The following CAST variants were observed in gnomAD, a reference collection of about 807,000 sequenced individuals.
The protein encoded by CAST is calpastatin.
CAST carries 76 observed loss-of-function variants against 119.6 expected under a neutral mutation model. The ratio of observed to expected loss-of-function variants is 0.64; its 90% CI spans 0.53 to 0.77. CAST has a LOEUF of 0.77. Among genes scored for constraint, CAST ranks in the 30% least tolerant of loss-of-function variants. The pLI, the probability that CAST is intolerant of heterozygous loss-of-function variation, is 0.00. For missense variants in CAST, 953 were observed against 946.5 expected, an observed-to-expected ratio of 1.01 and a Z score of -0.09; for synonymous variants, 319 against 331.6, an observed-to-expected ratio of 0.96 and a Z score of 0.41.
the CAST span, among the ~76,000 whole-genome samples, chr5:95,964,080 T>C: frequency 2.0e-5 from 3 of 152,242 alleles, no homozygotes; most frequent in Non-Finnish European, 4.4e-5. Context: ...CACGGATTAA[T>C]ATATTATTGT....
the CAST span, among the ~76,000 whole-genome samples, chr5:96,196,379 A>T: frequency 6.6e-6 from 1 of 152,194 alleles, no homozygotes; most frequent in Non-Finnish European, 1.5e-5. Context: ...CAGATACCTA[A>T]TGGGAGCTTA....
intron 3 of CAST, among the ~76,000 whole-genome samples, chr5:96,706,674 G>C (rs902968939): frequency 5.9e-5 from 9 of 152,206 alleles, no homozygotes; most frequent in Non-Finnish European, 1.3e-4. Context: ...CAGCCTCCCA[G>C]TCATTGGCTT....
rs758414012 is a variant in CAST, at chr5:96,574,026, CTTTTTTTTTTTTTTTTTTTTTTTT to C, written c.60+44165_60+44188del. ...CAAACATCACACATTTGCCCACTTT[CTTTTTTTTTTTTTTTTTTTTTTTT>C]TTTTTTTTTTTTTTTTTTGAGACGG... On this transcript the variant is annotated intron_variant, in intron 1 of 11. Transcript: ENST00000505143. Among the ~76,000 whole-genome samples, 6 of 6,850 alleles carry C rather than the reference CTTTTTTTTTTTTTTTTTTTTTTTT, an allele frequency of 8.8e-4. 1 individual carries two copies. Among genetic ancestry groups the C allele is most frequent in the South Asian group, 9.6e-3 (1 of 104 alleles). The allele number at this position is 6,850 out of a possible 152,430, so 4.5% of individuals were successfully genotyped here.
chr5:96,515,424 T>C, the CAST span, among the ~76,000 whole-genome samples: 1 of 152,006 alleles, frequency 6.6e-6, no homozygotes, highest in Admixed American at 6.6e-5. Flanking sequence ...ATCTTGACAA[T>C]GGCAGCTACA....
the CAST span, among the ~76,000 whole-genome samples, chr5:96,231,506 T>C: frequency 3.3e-5 from 5 of 152,002 alleles, no homozygotes; most frequent in African/African-American, 1.2e-4. Context: ...AGAAAGTGAT[T>C]TTTCATGGGG....
At chr5:96,040,846 T>C in the CAST span, among the ~76,000 whole-genome samples, 1 of 152,196 alleles carries the variant, frequency 6.6e-6, no homozygotes, top group East Asian at 1.9e-4. Flanking sequence ...TTTTGTTGTG[T>C]CTCTGCTAGG....
chr5:96,565,817 C>T (rs1300681553), intron 1 of CAST, among the ~76,000 whole-genome samples: 2 of 152,174 alleles, frequency 1.3e-5, no homozygotes, highest in Non-Finnish European at 2.9e-5. Context: ...GTAATTGGTG[C>T]TCAAATCAAC....
At chr5:96,295,623 C>T in the CAST span, among the ~76,000 whole-genome samples, 78 of 152,174 alleles carry the variant, frequency 5.1e-4, no homozygotes, top group East Asian at 0.012. Context: ...TATCGACCTA[C>T]GATATTTCTT....
chr5:96,504,803 C>A, the CAST span, among the ~76,000 whole-genome samples: 4 of 152,226 alleles, frequency 2.6e-5, no homozygotes, highest in African/African-American at 4.8e-5. Context: ...ATCCAGGCAA[C>A]AAATGATGTG....
At chr5:96,609,232 A>G (rs1747316610) in intron 1 of CAST, among the ~76,000 whole-genome samples, 1 of 152,190 alleles carries the variant, frequency 6.6e-6, no homozygotes, top group Non-Finnish European at 1.5e-5. Flanking sequence ...TCCCATTGCA[A>G]TATCCTATTC....
chr5:96,121,491 AAAAAAGC>A, the CAST span, among the ~76,000 whole-genome samples: 9 of 152,042 alleles, frequency 5.9e-5, no homozygotes, highest in Admixed American at 5.2e-4. Context: ...ATGAAAAAAA[AAAAAAGC>A]AACCTGATCA....
the CAST span, among the ~76,000 whole-genome samples, chr5:96,170,660 C>A: frequency 6.6e-6 from 1 of 152,116 alleles, no homozygotes; most frequent in East Asian, 1.9e-4. Flanking sequence ...GGCTGTAAAG[C>A]GTCTCAGGGT....
At chr5:96,668,244 G>T (rs1414762267) in intron 1 of CAST, among the ~76,000 whole-genome samples, 1 of 152,146 alleles carries the variant, frequency 6.6e-6, no homozygotes, top group Non-Finnish European at 1.5e-5. Flanking sequence ...GCTGTAGTTT[G>T]TTGGGAAAAT....
chr5:96,415,114 T>C, the CAST span, among the ~76,000 whole-genome samples: 7 of 152,202 alleles, frequency 4.6e-5, no homozygotes. Flanking sequence ...TGGGATAGCA[T>C]AAAGAGGAGA....
chr5:96,078,504 C>T, the CAST span, among the ~76,000 whole-genome samples: 1 of 152,040 alleles, frequency 6.6e-6, no homozygotes, highest in African/African-American at 2.4e-5. Flanking sequence ...AGCAATTCTC[C>T]TGACTCAGCC....
the CAST span, among the ~76,000 whole-genome samples, chr5:96,014,161 T>C: frequency 6.6e-6 from 1 of 151,626 alleles, no homozygotes; most frequent in South Asian, 2.1e-4. Flanking sequence ...TTTTTTTTAC[T>C]TTTAAATTTT....
intron 2 of CAST, among the ~76,000 whole-genome samples, chr5:96,676,292 A>G (rs1750701175): frequency 1.3e-5 from 2 of 152,210 alleles, no homozygotes; most frequent in African/African-American, 4.8e-5. Context: ...TCCAGTAGAA[A>G]TTGAGTCATT....
At chr5:96,492,415 A>G in the CAST span, among the ~76,000 whole-genome samples, 1 of 151,978 alleles carries the variant, frequency 6.6e-6, no homozygotes, top group Non-Finnish European at 1.5e-5. Flanking sequence ...TAATAAAAGC[A>G]TTTTTTTTCC....
At chr5:96,427,362 T>C in the CAST span, among the ~76,000 whole-genome samples, 2 of 152,188 alleles carry the variant, frequency 1.3e-5, no homozygotes, top group South Asian at 4.1e-4. Flanking sequence ...AGAGGAAAAT[T>C]GGTAGTGTCT....
Sources: gnomAD v4.1 joint callset for allele counts (sites outside exome capture counted in the v4.1 genomes callset) on GRCh38, gnomAD v4.1.1 for gene constraint, MANE v1.5 for transcripts, NCBI Gene and HGNC (gene_info 2026-07-23, HGNC 2026-07-21) for gene names.